The following PSMA8 variants were observed in gnomAD, a reference collection of about 807,000 sequenced individuals.
PSMA8 encodes the protein proteasome 20S subunit alpha 8, also known as proteasome subunit alpha-type 8.
In PSMA8, 18 loss-of-function variants were observed where a neutral mutation model predicts 32.4. That is an observed-to-expected ratio of 0.56 (90% CI 0.38 to 0.82). PSMA8 has a LOEUF of 0.82. PSMA8 is among the 40% of genes least tolerant of loss of function. The probability of loss-of-function intolerance (pLI) is 0.00; values close to 1 mark genes in which losing one functional copy is unlikely to be tolerated. For missense variants in PSMA8, 298 were observed against 300.7 expected (o/e 0.99, Z 0.07); for synonymous variants, 104 against 98.1 (o/e 1.06, Z -0.36).
At chr18:26,148,392 T>A (rs2055020239) in intron 2 of PSMA8, among the ~76,000 whole-genome samples, 1 of 151,688 alleles carries the variant, frequency 6.6e-6, no homozygotes, top group Non-Finnish European at 1.5e-5. Context: ...ATATACCACA[T>A]TAACAGAAGG....
intron 1 of PSMA8, among the ~76,000 whole-genome samples, chr18:26,138,274 G>T (rs2054928285): frequency 6.6e-6 from 1 of 152,202 alleles, no homozygotes; most frequent in Non-Finnish European, 1.5e-5. Context: ...TGGCCACAGT[G>T]ATGAGCATGT....
intron 4 of PSMA8, among the ~76,000 whole-genome samples, chr18:26,159,219 G>A (rs1255295617): frequency 2.0e-5 from 3 of 152,064 alleles, no homozygotes; most frequent in Non-Finnish European, 4.4e-5. Flanking sequence ...ATATTGCCAT[G>A]GTCTTTATGC....
At chr18:26,141,706 CTTTTTTCTTTTTTT>C (rs1363431147) in intron 1 of PSMA8, among the ~76,000 whole-genome samples, 1 of 128,056 alleles carries the variant, frequency 7.8e-6, no homozygotes, top group African/African-American at 3.0e-5. Context: ...CTGTTTCTTT[CTTTTTTCTTTTTTT>C]TTTTTTTTTT....
chr18:26,143,206 TG>T (rs1467752510), intron 1 of PSMA8, among the ~76,000 whole-genome samples: 6 of 152,224 alleles, frequency 3.9e-5, no homozygotes, highest in African/African-American at 1.4e-4. Context: ...CCACTCTATA[TG>T]GAGTTTGTTA....
chr18:26,185,037 A>C (rs946757827), intron 6 of PSMA8, among the ~76,000 whole-genome samples: 1 of 147,288 alleles, frequency 6.8e-6, no homozygotes, highest in Non-Finnish European at 1.5e-5. Context: ...CAGTGAGCCA[A>C]GATAATGCCA....
At chr18:26,167,953 G>A (rs1391544138) in intron 4 of PSMA8, among the ~76,000 whole-genome samples, 1 of 111,218 alleles carries the variant, frequency 9.0e-6, no homozygotes, top group Non-Finnish European at 1.6e-5. Context: ...GGCTCCAAAA[G>A]TCTTACAATG....
chr18:26,173,647 C>A (rs1244544902), intron 4 of PSMA8, among the ~76,000 whole-genome samples: 3 of 152,002 alleles, frequency 2.0e-5, no homozygotes, highest in South Asian at 2.1e-4. Flanking sequence ...ACCTCCACCC[C>A]CCAGGTTCAA....
chr18:26,151,926 G>T lies in PSMA8; in HGVS notation c.298G>T (p.Val100Phe). 6.2e-7 allele frequency: 1 copy of T among 1,612,470 alleles called. No individual in the cohort carries two copies. The highest frequency in any genetic ancestry group is 2.2e-5 in the East Asian group (1 of 44,802). ...RVECQSHKLT[V>F]EDPVTVEYIT... is the part of the protein sequence containing the mutation. The stretch of plus-strand genomic sequence containing the variant: ...GGAGTGCCAGAGCCATAAGCTTACG[G>T]TTGAGGACCCAGTCACTGTAGAATA... The change falls in exon 3 of 7, where the codon GTT becomes TTT. Residue 100 changes from valine (V) to phenylalanine (F), a missense_variant. Coordinates refer to ENST00000415576, the MANE Select transcript of PSMA8 (RefSeq NM_001025096.2).
rs183498902 is a variant in PSMA8, at chr18:26,150,108, T to C, written c.230-1750T>C. Among the ~76,000 whole-genome samples the C allele has an allele frequency of 1.3e-3, 202 of 152,258 alleles. 1 individual carries two copies. Among genetic ancestry groups the C allele is most frequent in the African/African-American group, 4.4e-3 (181 of 41,558 alleles). On this transcript the variant is annotated intron_variant, in intron 2 of 6. Transcript: ENST00000415576. ...GAAATGCTCATTGGAGCCTTTTGGA[T>C]TTTTGATTTTCAGATTAGGGATGCC...
intron 2 of PSMA8, among the ~76,000 whole-genome samples, chr18:26,150,221 G>C (rs2055034431): frequency 6.6e-6 from 1 of 152,134 alleles, no homozygotes; most frequent in Non-Finnish European, 1.5e-5. Context: ...TGAGCGATGA[G>C]GGATACTCAA....
intron 4 of PSMA8, among the ~76,000 whole-genome samples, chr18:26,161,294 G>A (rs62087799): frequency 6.6e-6 from 1 of 152,130 alleles, no homozygotes; most frequent in Non-Finnish European, 1.5e-5. Context: ...CTATTCCTTA[G>A]TTCCTAGATT....
rs138536540 is a variant in PSMA8 at position 26,163,354 on chromosome 18, A to G, written c.477+5110A>G. Among the ~76,000 whole-genome samples the G allele has an allele frequency of 3.2e-3, 487 of 151,200 alleles. 4 individuals are homozygous for G. Among genetic ancestry groups the G allele is most frequent in the African/African-American group, 0.01 (430 of 41,170 alleles). On this transcript the variant is annotated intron_variant, in intron 4 of 6. Coordinates refer to ENST00000415576, the MANE Select transcript of PSMA8 (RefSeq NM_001025096.2). ...GGGAAGGTCCCTTTGAAAAGGAGAC[A>G]TTTGAACAGAGACCTGAAGAAAGTG... is the stretch of plus-strand genomic sequence containing the variant.
chr18:26,171,485 G>A lies in PSMA8; in HGVS notation c.478-7345G>A, dbSNP rs189409649. Among the ~76,000 whole-genome samples, 304 of 152,330 alleles carry A rather than the reference G, an allele frequency of 2.0e-3. 2 individuals are homozygous for A. Among genetic ancestry groups the A allele is most frequent in the African/African-American group, 6.7e-3 (280 of 41,582 alleles). On this transcript the variant is annotated intron_variant, in intron 4 of 6. Coordinates refer to ENST00000415576, the MANE Select transcript of PSMA8 (RefSeq NM_001025096.2). ...GCAGTGGCTCACGCCTGTAATCCCA[G>A]CACTTTGGGAGGCCGAAGCGGGTGG...
rs1411170012 is a variant in PSMA8, at chr18:26,185,058, G to A, written c.660+5928G>A. 3.0e-5 allele frequency among the ~76,000 whole-genome samples: 4 copies of A among 135,006 alleles called. No homozygotes were observed. In the East Asian group the frequency reaches 9.1e-4, roughly 31 times the overall value. 88.6% of individuals were successfully genotyped at this position (135,006 alleles called of 152,430 possible). On this transcript the variant is annotated intron_variant, in intron 6 of 6. Coordinates refer to ENST00000415576, the MANE Select transcript of PSMA8 (RefSeq NM_001025096.2). Reference sequence around the variant, plus strand: ...GCCAAGATAATGCCATTGCACTCCAGCCTGGGCAACAAGAGCGAAACTCCA... The same window carrying A: ...GCCAAGATAATGCCATTGCACTCCAACCTGGGCAACAAGAGCGAAACTCCA...
At chr18:26,141,327 A>G (rs182399617) in intron 1 of PSMA8, among the ~76,000 whole-genome samples, 1 of 152,150 alleles carries the variant, frequency 6.6e-6, no homozygotes, top group Admixed American at 6.5e-5. Context: ...TTTGATATTA[A>G]CATATTCATT....
At chr18:26,189,509 GGCAACAGA>G (rs952025659) in intron 6 of PSMA8, among the ~76,000 whole-genome samples, 10 of 151,996 alleles carry the variant, frequency 6.6e-5, no homozygotes, top group African/African-American at 2.4e-4. Context: ...CTCCATCCTG[GGCAACAGA>G]GCAAGACCCC....
At chr18:26,156,827 C>G (rs1333738283) in intron 3 of PSMA8, among the ~76,000 whole-genome samples, 1 of 151,088 alleles carries the variant, frequency 6.6e-6, no homozygotes, top group East Asian at 1.9e-4. Context: ...CACTCTGTCA[C>G]CCAGGCTGGA....
At chr18:26,173,433 C>G (rs1183323428) in intron 4 of PSMA8, among the ~76,000 whole-genome samples, 1 of 152,188 alleles carries the variant, frequency 6.6e-6, no homozygotes, top group African/African-American at 2.4e-5. Context: ...ATTTCCTATC[C>G]TGGCTTTACT....
At chr18:26,180,448 T>G (rs2055301323) in intron 6 of PSMA8, among the ~76,000 whole-genome samples, 1 of 152,098 alleles carries the variant, frequency 6.6e-6, no homozygotes, top group Non-Finnish European at 1.5e-5. Flanking sequence ...GATATGAGGA[T>G]AAGACAGCAG....
Sources: gnomAD v4.1 joint callset for allele counts (sites outside exome capture counted in the v4.1 genomes callset) on GRCh38, gnomAD v4.1.1 for gene constraint, MANE v1.5 for transcripts, NCBI Gene and HGNC (gene_info 2026-07-23, HGNC 2026-07-21) for gene names.